Variants in KCNH7 observed in about 807,000 individuals in gnomAD.
KCNH7 encodes the protein potassium voltage-gated channel subfamily H member 7, also known as voltage-gated inwardly rectifying potassium channel KCNH7.
Under a neutral mutation model 120.8 loss-of-function variants are expected in KCNH7, and 49 were observed. The ratio of observed to expected loss-of-function variants is 0.41; its 90% CI spans 0.32 to 0.51. The LOEUF is 0.51. KCNH7 is among the 20% of genes least tolerant of loss of function. The pLI, the probability that KCNH7 is intolerant of heterozygous loss-of-function variation, is 0.38. For synonymous variants in KCNH7, 547 were observed against 516.1 expected (o/e 1.06, Z -0.81); for missense variants, 1,097 against 1,446.6 (o/e 0.76, Z 3.92).
At chr2:162,463,834 C>T (rs1689228062) in intron 6 of KCNH7, among the ~76,000 whole-genome samples, 1 of 151,112 alleles carries the variant, frequency 6.6e-6, no homozygotes, top group Non-Finnish European at 1.5e-5. Context: ...AAGCATTCCC[C>T]TTTTTAAAAA....
At chr2:162,537,455 T>C (rs1266073422) in intron 2 of KCNH7, among the ~76,000 whole-genome samples, 1 of 152,052 alleles carries the variant, frequency 6.6e-6, no homozygotes, top group African/African-American at 2.4e-5. Flanking sequence ...CTATAAAATA[T>C]AGCTGTATAA....
intron 9 of KCNH7, among the ~76,000 whole-genome samples, chr2:162,415,968 A>C (rs1687531236): frequency 6.6e-6 from 1 of 152,130 alleles, no homozygotes; most frequent in South Asian, 2.1e-4. Context: ...CCGGCTTGTA[A>C]AATTTTGCAC....
intron 2 of KCNH7, among the ~76,000 whole-genome samples, chr2:162,542,235 T>C (rs1182807697): frequency 6.6e-6 from 1 of 151,694 alleles, no homozygotes; most frequent in Non-Finnish European, 1.5e-5. Flanking sequence ...TTTTTTTCTT[T>C]GATGAGCTTC....
chr2:162,382,670 G>A (rs1010895001), intron 13 of KCNH7, among the ~76,000 whole-genome samples: 1 of 152,022 alleles, frequency 6.6e-6, no homozygotes, highest in Non-Finnish European at 1.5e-5. Flanking sequence ...ATATGAGTGA[G>A]TGACATGTCC....
intron 8 of KCNH7, 151 bp from the exon 9 acceptor site, chr2:162,423,686 G>C: frequency 1.5e-6 from 1 of 667,334 alleles, no homozygotes. Context: ...AACTAAAACT[G>C]CTTTACATTT....
intron 2 of KCNH7, among the ~76,000 whole-genome samples, chr2:162,688,835 C>A (rs1379885647): frequency 2.0e-5 from 3 of 151,160 alleles, no homozygotes; most frequent in Non-Finnish European, 4.4e-5. Flanking sequence ...GTCTTGTCTC[C>A]CAGAGTTTTA....
intron 9 of KCNH7, 149 bp from the exon 10 acceptor site, chr2:162,400,590 T>A (rs80018637): frequency 1.4e-6 from 1 of 736,052 alleles, no homozygotes; most frequent in Non-Finnish European, 2.2e-6. Flanking sequence ...CCTTAATGAA[T>A]ACTTGATTTG....
chr2:162,726,874 G>A (rs1687545361), intron 2 of KCNH7, among the ~76,000 whole-genome samples: 1 of 152,048 alleles, frequency 6.6e-6, no homozygotes, highest in African/African-American at 2.4e-5. Context: ...TGCCACCCTA[G>A]ACCTGAGTGG....
intron 2 of KCNH7, among the ~76,000 whole-genome samples, chr2:162,822,390 G>C (rs1685149417): frequency 6.6e-6 from 1 of 152,126 alleles, no homozygotes; most frequent in Non-Finnish European, 1.5e-5. Context: ...AGCTGAATAA[G>C]ATAGGTTCTA....
At chr2:162,470,557 C>A (rs1394931763) in intron 6 of KCNH7, among the ~76,000 whole-genome samples, 16 of 152,064 alleles carry the variant, frequency 1.1e-4, no homozygotes, top group Admixed American at 7.9e-4. Context: ...CCGGCAGCCA[C>A]CCCGTCCGGG....
chr2:162,534,024 T>G (rs549613896), intron 3 of KCNH7, among the ~76,000 whole-genome samples: 50 of 151,528 alleles, frequency 3.3e-4, no homozygotes, highest in African/African-American at 1.2e-3. Flanking sequence ...AAATAATACT[T>G]TAAAAATACC....
intron 4 of KCNH7, among the ~76,000 whole-genome samples, chr2:162,516,360 T>C (rs561170481): frequency 1.3e-5 from 2 of 151,790 alleles, no homozygotes; most frequent in Non-Finnish European, 2.9e-5. Context: ...GGGTCCCTGC[T>C]GCTGAGTGGT....
intron 9 of KCNH7, among the ~76,000 whole-genome samples, chr2:162,403,070 T>C (rs934172635): frequency 4.6e-5 from 7 of 151,958 alleles, no homozygotes; most frequent in Non-Finnish European, 8.8e-5. Flanking sequence ...GTGGCCACAA[T>C]TTAAATAAGA....
intron 2 of KCNH7, among the ~76,000 whole-genome samples, chr2:162,786,691 T>A (rs567920198): frequency 6.6e-6 from 1 of 152,362 alleles, no homozygotes; most frequent in East Asian, 1.9e-4. Flanking sequence ...TGCTTAAATT[T>A]ACTGAACATG....
intron 2 of KCNH7, among the ~76,000 whole-genome samples, chr2:162,795,056 A>G (rs1164563657): frequency 6.6e-6 from 1 of 152,066 alleles, no homozygotes; most frequent in East Asian, 1.9e-4. Flanking sequence ...TTAGTTTTTA[A>G]TATCTTTAAA....
At chr2:162,475,591 T>G (rs765727975) in intron 6 of KCNH7, among the ~76,000 whole-genome samples, 4 of 152,226 alleles carry the variant, frequency 2.6e-5, no homozygotes, top group Non-Finnish European at 4.4e-5. Flanking sequence ...AGCTTTTTAA[T>G]AAAGATGAGG....
At chr2:162,450,211 C>T (rs534331191) in intron 6 of KCNH7, among the ~76,000 whole-genome samples, 6 of 152,084 alleles carry the variant, frequency 3.9e-5, no homozygotes, top group Non-Finnish European at 7.4e-5. Flanking sequence ...TTAAGTTTAG[C>T]TTTAGGGCAT....
At chr2:162,782,736 A>G (rs1683546910) in intron 2 of KCNH7, among the ~76,000 whole-genome samples, 1 of 152,214 alleles carries the variant, frequency 6.6e-6, no homozygotes, top group Non-Finnish European at 1.5e-5. Context: ...TATTCTGAAA[A>G]TAAAGTTAAA....
intron 2 of KCNH7, among the ~76,000 whole-genome samples, chr2:162,683,491 C>T (rs1434177606): frequency 6.6e-6 from 1 of 151,810 alleles, no homozygotes. Flanking sequence ...GATGACTTTT[C>T]AGCTCAAACT....
Sources: allele counts gnomAD v4.1 joint callset (sites outside exome capture counted in the v4.1 genomes callset), GRCh38; gene constraint gnomAD v4.1.1; transcripts MANE v1.5; gene names NCBI Gene and HGNC (gene_info 2026-07-23, HGNC 2026-07-21).